Variants in RAP1GAP2 observed in about 807,000 individuals in gnomAD.
RAP1GAP2 encodes rap1 GTPase-activating protein 2.
In RAP1GAP2, 27 loss-of-function variants were observed where a neutral mutation model predicts 95.0. The ratio of observed to expected loss-of-function variants is 0.28; its 90% CI spans 0.21 to 0.39. The LOEUF (loss-of-function observed/expected upper bound fraction) is 0.39. Among genes scored for constraint, RAP1GAP2 ranks in the 10% least tolerant of loss-of-function variants. The pLI is 1.00. For missense variants in RAP1GAP2, 771 were observed against 970.0 expected (o/e 0.79, Z 2.72); for synonymous variants, 373 against 380.9 (o/e 0.98, Z 0.24).
chr17:2,938,832 C>A (rs190343123), intron 3 of RAP1GAP2, among the ~76,000 whole-genome samples: 1 of 151,976 alleles, frequency 6.6e-6, no homozygotes, highest in Non-Finnish European at 1.5e-5. Flanking sequence ...ACTAAAAATA[C>A]GAAAATTAGC....
intron 2 of RAP1GAP2, among the ~76,000 whole-genome samples, chr17:2,901,720 C>T (rs771341623): frequency 4.6e-5 from 7 of 152,060 alleles, no homozygotes; most frequent in Admixed American, 2.0e-4. Context: ...TCAAGCACCG[C>T]GTCACTTAAC....
At chr17:2,782,374 C>G (rs1373247799) in intron 1 of RAP1GAP2, among the ~76,000 whole-genome samples, 3 of 152,136 alleles carry the variant, frequency 2.0e-5, no homozygotes, top group Non-Finnish European at 4.4e-5. Flanking sequence ...GCAGAAGTGG[C>G]CTGTGTGTCA....
At chr17:2,930,486 C>A (rs1281589566) in intron 3 of RAP1GAP2, among the ~76,000 whole-genome samples, 1 of 152,208 alleles carries the variant, frequency 6.6e-6, no homozygotes, top group African/African-American at 2.4e-5. Flanking sequence ...ATGGAGGCTT[C>A]TGTTACTTGC....
chr17:2,850,708 C>T (rs1336358818), intron 2 of RAP1GAP2, among the ~76,000 whole-genome samples: 4 of 146,950 alleles, frequency 2.7e-5, no homozygotes, highest in Admixed American at 6.9e-5. Flanking sequence ...CAAGATCTTG[C>T]CACTGCACTC....
chr17:2,795,157 T>A (rs1012604125), upstream of RAP1GAP2, among the ~76,000 whole-genome samples: 1 of 151,526 alleles, frequency 6.6e-6, no homozygotes, highest in Non-Finnish European at 1.5e-5. Flanking sequence ...GGATTACAGG[T>A]GTGAGCCGCC....
At chr17:2,780,141 C>T (rs2068608988) in intron 1 of RAP1GAP2, among the ~76,000 whole-genome samples, 1 of 152,180 alleles carries the variant, frequency 6.6e-6, no homozygotes, top group African/African-American at 2.4e-5. Context: ...ACCTCCGCCT[C>T]CTGGGTTCAA....
upstream of RAP1GAP2, among the ~76,000 whole-genome samples, chr17:2,776,823 CGGAGGAGGAGGA>C (rs372983882): frequency 0.039 from 5,660 of 144,100 alleles, 368 homozygotes; most frequent in African/African-American, 0.14. Flanking sequence ...CCCGCCGCCC[CGGAGGAGGAGGA>C]GGAGGAGGAG....
At position 2,940,393 on chromosome 17, in the gene RAP1GAP2, C is replaced by T. The variant is rs146630128; in HGVS notation, c.166-17366C>T. ...CTTCTGTGTTCCTCTGGGAAGGCTT[C>T]TCGGCTCCCTGCCGGGGCCCGAGGG... On this transcript the variant is annotated intron_variant, in intron 3 of 24. Coordinates refer to ENST00000254695, the MANE Select transcript of RAP1GAP2 (RefSeq NM_015085.5). Among the ~76,000 whole-genome samples, 8 of 152,354 alleles carry T rather than the reference C, an allele frequency of 5.3e-5. No individual in the cohort carries two copies. The East Asian group carries it at 1.4e-3, about 26-fold the overall frequency.
rs564585834 is a variant in RAP1GAP2 at position 2,817,788 on chromosome 17, T to C, written c.80+17238T>C. Among the ~76,000 whole-genome samples the C allele has an allele frequency of 1.6e-5, 2 of 121,532 alleles. 1 individual carries two copies. The highest frequency in any genetic ancestry group is 4.6e-4 in the East Asian group (2 of 4,374). The allele number at this position is 121,532 out of a possible 152,430, so 79.7% of individuals were successfully genotyped here. A position where few individuals can be genotyped will look rare whatever the true frequency, so the allele number is the denominator to read the frequency against. On this transcript the variant is annotated intron_variant, in intron 2 of 24. Transcript: ENST00000254695. ...CAACTGCCTCAACCTCCCAAAGTGT[T>C]AGGATTACAGGCATGAGCCACTGCG...
intron 3 of RAP1GAP2, among the ~76,000 whole-genome samples, chr17:2,907,175 T>A (rs2042226007): frequency 6.6e-6 from 1 of 152,170 alleles, no homozygotes; most frequent in South Asian, 2.1e-4. Context: ...CCTGAACCAA[T>A]TACCGGCACC....
chr17:2,803,457 C>T (rs1323652913), intron 2 of RAP1GAP2, among the ~76,000 whole-genome samples: 3 of 152,202 alleles, frequency 2.0e-5, no homozygotes, highest in African/African-American at 4.8e-5. Flanking sequence ...ACTGGAAACC[C>T]GTTGCCATCA....
At chr17:2,841,784 C>T (rs530835883) in intron 2 of RAP1GAP2, among the ~76,000 whole-genome samples, 1 of 152,270 alleles carries the variant, frequency 6.6e-6, no homozygotes, top group East Asian at 1.9e-4. Context: ...CTGATGTAGC[C>T]TCTGAGAAGT....
intron 8 of RAP1GAP2, among the ~76,000 whole-genome samples, chr17:2,972,009 T>C (rs1365138417): frequency 6.6e-6 from 1 of 152,224 alleles, no homozygotes; most frequent in Non-Finnish European, 1.5e-5. Flanking sequence ...GAAGATTAAA[T>C]GATTACTAAT....
rs185036089 is a variant in RAP1GAP2 at position 3,032,350 on chromosome 17, C to T, written c.2185-61C>T. The T allele has an allele frequency of 7.4e-5, 118 of 1,604,862 alleles. 1 individual carries two copies. The highest frequency in any genetic ancestry group is 6.9e-4 in the East Asian group (31 of 44,828). On this transcript the variant is annotated intron_variant, in intron 23 of 24. Coordinates refer to ENST00000254695, the MANE Select transcript of RAP1GAP2 (RefSeq NM_015085.5). ...TTGAGAGCTGAGTGCACAGAGCCGCCGTGGAAGGGACCTGTGCTGTCTGGT... is the reference window on the plus strand; with the variant it reads ...TTGAGAGCTGAGTGCACAGAGCCGCTGTGGAAGGGACCTGTGCTGTCTGGT...
chr17:2,824,970 GGT>G (rs1329395222), intron 2 of RAP1GAP2, among the ~76,000 whole-genome samples: 2 of 152,028 alleles, frequency 1.3e-5, no homozygotes, highest in Non-Finnish European at 2.9e-5. Context: ...TAGGAGACAA[GGT>G]GTTGCTCTGT....
intron 2 of RAP1GAP2, among the ~76,000 whole-genome samples, chr17:2,832,715 T>G (rs901383655): frequency 2.0e-5 from 3 of 149,006 alleles, no homozygotes; most frequent in Non-Finnish European, 3.0e-5. Context: ...ATTGACTCAC[T>G]CCTGTAATCC....
intron 1 of RAP1GAP2, among the ~76,000 whole-genome samples, chr17:2,759,461 A>C (rs917990056): frequency 2.0e-5 from 3 of 151,466 alleles, no homozygotes; most frequent in African/African-American, 7.3e-5. Flanking sequence ...TTTGTATTTT[A>C]TTTTTTGAGA....
intron 17 of RAP1GAP2, 55 bp from the exon 18 acceptor site, chr17:3,018,006 G>C (rs1270532748): frequency 5.2e-6 from 8 of 1,530,548 alleles, no homozygotes; most frequent in Non-Finnish European, 6.2e-6. Flanking sequence ...GAGGAGGGCA[G>C]AGTCATCCGG....
At position 2,857,115 on chromosome 17, in the gene RAP1GAP2, C is replaced by T. The variant is rs976785865; in HGVS notation, c.81-48169C>T. On this transcript the variant is annotated intron_variant, in intron 2 of 24. Transcript: ENST00000254695. The surrounding 1 kb of genome is among the most constrained non-coding windows in gnomAD (Gnocchi z 4.0). Reference sequence around the variant, plus strand: ...ATGAGCTCTTCCTTCCACCACCTCTCATCACAAGGTGGGGTCAGGCTCAGG... The same window carrying T: ...ATGAGCTCTTCCTTCCACCACCTCTTATCACAAGGTGGGGTCAGGCTCAGG... Among the ~76,000 whole-genome samples, 3 of 152,216 alleles carry T rather than the reference C, an allele frequency of 2.0e-5. No homozygotes were observed. Among genetic ancestry groups the T allele is most frequent in the Non-Finnish European group, 4.4e-5 (3 of 68,040 alleles).
Sources: gnomAD v4.1 joint callset for allele counts (sites outside exome capture counted in the v4.1 genomes callset) on GRCh38, gnomAD v4.1.1 for gene constraint, Gnocchi (gnomAD v3.1) non-coding constraint, MANE v1.5 for transcripts, NCBI Gene and HGNC (gene_info 2026-07-23, HGNC 2026-07-21) for gene names.